Variants in FBXL17 observed in about 807,000 individuals in gnomAD.
FBXL17 encodes the protein F-box/LRR-repeat protein 17.
FBXL17 carries 22 observed loss-of-function variants against 66.2 expected under a neutral mutation model. The observed-to-expected ratio is 0.33, with a 90% CI of 0.24 to 0.47. The LOEUF (loss-of-function observed/expected upper bound fraction) is 0.47, where lower values mean the gene tolerates loss of function less well. FBXL17 is among the 20% of genes least tolerant of loss of function. The pLI is 1.00. For synonymous variants in FBXL17, 474 were observed against 400.5 expected (o/e 1.18, Z -2.19); for missense variants, 878 against 948.2 (o/e 0.93, Z 0.97).
At chr5:107,961,881 G>A (rs2112629445) in intron 7 of FBXL17, among the ~76,000 whole-genome samples, 1 of 152,230 alleles carries the variant, frequency 6.6e-6, no homozygotes, top group East Asian at 1.9e-4. Flanking sequence ...CAGGCTAGGA[G>A]ACAGGCTCTT....
intron 6 of FBXL17, among the ~76,000 whole-genome samples, chr5:108,179,052 G>A (rs1342676488): frequency 6.6e-6 from 1 of 152,162 alleles, no homozygotes; most frequent in Non-Finnish European, 1.5e-5. Context: ...ACTGTGACAT[G>A]ACATTCACAG....
At chr5:108,373,699 T>C (rs1234370136) in intron 1 of FBXL17, among the ~76,000 whole-genome samples, 1 of 152,080 alleles carries the variant, frequency 6.6e-6, no homozygotes, top group African/African-American at 2.4e-5. Flanking sequence ...GTGGATCACT[T>C]GAGCCCAGGA....
intron 5 of FBXL17, among the ~76,000 whole-genome samples, chr5:108,188,886 A>T (rs1753346648): frequency 6.6e-6 from 1 of 152,166 alleles, no homozygotes; most frequent in Non-Finnish European, 1.5e-5. Context: ...AGACAAATAA[A>T]ATACAAAATA....
At chr5:108,245,115 T>C (rs1050344932) in intron 4 of FBXL17, among the ~76,000 whole-genome samples, 3 of 152,132 alleles carry the variant, frequency 2.0e-5, no homozygotes, top group South Asian at 2.1e-4. Flanking sequence ...TAGATATGAA[T>C]AGACTTGATT....
intron 4 of FBXL17, among the ~76,000 whole-genome samples, chr5:108,282,949 G>C (rs1757758795): frequency 6.7e-6 from 1 of 149,490 alleles, no homozygotes; most frequent in South Asian, 2.1e-4. Flanking sequence ...AACTTAGGAA[G>C]TGAAAAATCT....
chr5:107,888,760 G>A (rs537750711), intron 7 of FBXL17, among the ~76,000 whole-genome samples: 94 of 152,098 alleles, frequency 6.2e-4, no homozygotes, highest in Non-Finnish European at 1.2e-3. Context: ...GGTGGTTTCC[G>A]CCTTGGGGCT....
intron 7 of FBXL17, among the ~76,000 whole-genome samples, chr5:108,011,352 T>C (rs1374368784): frequency 6.6e-6 from 1 of 152,320 alleles, no homozygotes; most frequent in South Asian, 2.1e-4. Context: ...GCTCTTGGGC[T>C]TTTTCTCCCT....
intron 6 of FBXL17, among the ~76,000 whole-genome samples, chr5:108,096,338 C>T (rs2149935413): frequency 6.6e-6 from 1 of 152,256 alleles, no homozygotes; most frequent in East Asian, 1.9e-4. Flanking sequence ...AGCATAACAG[C>T]TCTCAATTTA....
intron 6 of FBXL17, among the ~76,000 whole-genome samples, chr5:108,059,914 G>A (rs1747856645): frequency 6.6e-6 from 1 of 151,536 alleles, no homozygotes; most frequent in Non-Finnish European, 1.5e-5. Context: ...GGTTTTTCTA[G>A]TGGAAATGTA....
intron 6 of FBXL17, among the ~76,000 whole-genome samples, chr5:108,176,913 CAATT>C (rs1307127811): frequency 6.6e-6 from 1 of 152,088 alleles, no homozygotes; most frequent in East Asian, 1.9e-4. Context: ...AAAATATCAT[CAATT>C]ATTTGAAAAA....
intron 5 of FBXL17, among the ~76,000 whole-genome samples, chr5:108,189,284 CATAGGATGGG>C (rs1753365255): frequency 9.5e-6 from 1 of 105,074 alleles, no homozygotes. Flanking sequence ...TGGAAGAATT[CATAGGATGGG>C]ATGGGATGGG....
intron 6 of FBXL17, among the ~76,000 whole-genome samples, chr5:108,129,684 TA>T (rs536089399): frequency 2.8e-4 from 42 of 151,980 alleles, no homozygotes; most frequent in Non-Finnish European, 5.0e-4. Context: ...CTCCTGAGAA[TA>T]TATCAAATTG....
intron 7 of FBXL17, among the ~76,000 whole-genome samples, chr5:107,938,562 A>C (rs1193653816): frequency 6.6e-6 from 1 of 152,202 alleles, no homozygotes; most frequent in Non-Finnish European, 1.5e-5. Flanking sequence ...AGGTGCCTAA[A>C]TGATTTTTAT....
chr5:107,943,967 T>G (rs1751199607), intron 7 of FBXL17, among the ~76,000 whole-genome samples: 1 of 152,244 alleles, frequency 6.6e-6, no homozygotes, highest in Non-Finnish European at 1.5e-5. Context: ...AATAAACCCC[T>G]GATCTTGAAG....
At chr5:108,127,453 A>C (rs1029246313) in intron 6 of FBXL17, among the ~76,000 whole-genome samples, 2 of 152,210 alleles carry the variant, frequency 1.3e-5, no homozygotes, top group Non-Finnish European at 2.9e-5. Flanking sequence ...TCTCTTACTC[A>C]TATAAATAAA....
At chr5:108,191,257 G>A (rs867917699) in intron 5 of FBXL17, among the ~76,000 whole-genome samples, 1 of 152,022 alleles carries the variant, frequency 6.6e-6, no homozygotes, top group Non-Finnish European at 1.5e-5. Context: ...TGCATATTTG[G>A]GGTTCTAGCA....
intron 4 of FBXL17, among the ~76,000 whole-genome samples, chr5:108,259,696 T>C (rs1341303903): frequency 6.6e-6 from 1 of 151,834 alleles, no homozygotes; most frequent in Non-Finnish European, 1.5e-5. Flanking sequence ...GTAAGACACA[T>C]AAAGCAAAAC....
chr5:108,319,954 A>G (rs987290362), intron 4 of FBXL17, among the ~76,000 whole-genome samples: 1 of 151,776 alleles, frequency 6.6e-6, no homozygotes, highest in Admixed American at 6.6e-5. Context: ...CTTGCCTCGA[A>G]TATTACTTAC....
intron 7 of FBXL17, among the ~76,000 whole-genome samples, chr5:107,990,989 A>G (rs1001004015): frequency 2.0e-5 from 3 of 151,500 alleles, no homozygotes; most frequent in African/African-American, 7.2e-5. Flanking sequence ...CCACTAGCTG[A>G]AATCTTTTGT....
Sources: gnomAD v4.1 joint callset for allele counts (sites outside exome capture counted in the v4.1 genomes callset) on GRCh38, gnomAD v4.1.1 for gene constraint, MANE v1.5 for transcripts, NCBI Gene and HGNC (gene_info 2026-07-23, HGNC 2026-07-21) for gene names.